The following BCAS3 variants were observed in gnomAD, a reference collection of about 807,000 sequenced individuals.
The protein encoded by BCAS3 is BCAS3 microtubule associated cell migration factor, also known as BCAS4/BCAS3 fusion.
A neutral mutation model predicts 116.1 loss-of-function variants in BCAS3; 53 were observed. The ratio of observed to expected loss-of-function variants is 0.46; its 90% CI spans 0.37 to 0.57. BCAS3 has a LOEUF of 0.57. Ranked by LOEUF, BCAS3 falls within the 20% of genes least tolerant of loss-of-function variation. The pLI is 0.00. For synonymous variants in BCAS3, 391 were observed against 408.2 expected, an observed-to-expected ratio of 0.96 and a Z score of 0.51; for missense variants, 917 against 1,165.4, an observed-to-expected ratio of 0.79 and a Z score of 3.10.
In BCAS3 at chr17:61,215,698, A is replaced by AT. The variant is rs2081741235; in HGVS notation, c.2425+131137dup. Among the ~76,000 whole-genome samples the AT allele has an allele frequency of 6.6e-6, 1 of 152,172 alleles. No homozygotes were observed. The highest frequency in any genetic ancestry group is 2.4e-5 in the African/African-American group (1 of 41,438). ...ATCTCTTTTCACATTTACCTCCTTA[A>AT]TTTGCTAACCCCTCAGTTCTTGATA... On this transcript the variant is annotated intron_variant, in intron 22 of 23. Coordinates refer to ENST00000407086, the MANE Select transcript of BCAS3 (RefSeq NM_017679.5). This position sits in a 1 kb window ranked among gnomAD's most constrained non-coding sequence, Gnocchi z 4.8.
chr17:61,186,119 T>C lies in BCAS3; in HGVS notation c.2425+101555T>C, dbSNP rs1423177637. ...ATTGCTTTGAAAAATGTAGTCCATC[T>C]TCTCTTTCTAGTGCCTTGAATTGCT... On this transcript the variant is annotated intron_variant, in intron 22 of 23. Coordinates refer to ENST00000407086, the MANE Select transcript of BCAS3 (RefSeq NM_017679.5). This position sits in a 1 kb window ranked among gnomAD's most constrained non-coding sequence, Gnocchi z 4.9. Among the ~76,000 whole-genome samples, 2 of 152,224 alleles carry C rather than the reference T, an allele frequency of 1.3e-5. No homozygotes were observed. Among genetic ancestry groups the C allele is most frequent in the Non-Finnish European group, 2.9e-5 (2 of 68,024 alleles).
rs1321234584 is a variant in BCAS3 at position 61,151,964 on chromosome 17, C to G, written c.2425+67400C>G. Among the ~76,000 whole-genome samples, 5 of 152,322 alleles carry G rather than the reference C, an allele frequency of 3.3e-5. No individual in the cohort carries two copies. Among genetic ancestry groups the G allele is most frequent in the South Asian group, 4.1e-4 (2 of 4,832 alleles). ...ACAGTACCGGAAGGGCAAGGATTCT[C>G]TGTGTGCCCAGGGAAAGTGGTTTTA... On this transcript the variant is annotated intron_variant, in intron 22 of 23. Coordinates refer to ENST00000407086, the MANE Select transcript of BCAS3 (RefSeq NM_017679.5). The surrounding 1 kb of genome is among the most constrained non-coding windows in gnomAD (Gnocchi z 4.8).
intron 22 of BCAS3, among the ~76,000 whole-genome samples, chr17:61,155,911 G>C (rs2077807954): frequency 6.6e-6 from 1 of 152,124 alleles, no homozygotes; most frequent in Non-Finnish European, 1.5e-5. Flanking sequence ...CTCAGCCACA[G>C]AGCATCCTGC....
rs1340042352 is a variant in BCAS3 at position 61,281,233 on chromosome 17, A to G, written c.2426-87094A>G. On this transcript the variant is annotated intron_variant, in intron 22 of 23. Transcript: ENST00000407086. The surrounding 1 kb of genome is among the most constrained non-coding windows in gnomAD (Gnocchi z 4.2). ...TTCCACAATTTATTTCACAATGCCT[A>G]TTGTTGGATGTATAGATGGTCTTCA... is the stretch of plus-strand genomic sequence containing the variant. Among the ~76,000 whole-genome samples, 1 of 152,314 alleles carries G rather than the reference A, an allele frequency of 6.6e-6. No individual in the cohort carries two copies. The highest frequency in any genetic ancestry group is 2.1e-4 in the South Asian group (1 of 4,828).
chr17:60,804,373 C>T (rs887310815), intron 6 of BCAS3, among the ~76,000 whole-genome samples: 25 of 151,866 alleles, frequency 1.6e-4, no homozygotes, highest in African/African-American at 5.8e-4. Context: ...CCCACCTACT[C>T]AGGAGGCTGA....
At chr17:60,788,228 A>G (rs2046451666) in intron 6 of BCAS3, among the ~76,000 whole-genome samples, 1 of 152,158 alleles carries the variant, frequency 6.6e-6, no homozygotes, top group African/African-American at 2.4e-5. Context: ...TTCAGTGAGT[A>G]AGGGTAACAG....
At position 60,846,854 on chromosome 17, in the gene BCAS3, T is replaced by G. The variant is rs189990802; in HGVS notation, c.477-21722T>G. On this transcript the variant is annotated intron_variant, in intron 7 of 23. Transcript: ENST00000407086. ...TTACATAATATAAAAGTTACCATTT[T>G]AAAGTATACAATTCAGCAGCATTTA... Among the ~76,000 whole-genome samples the G allele has an allele frequency of 1.4e-4, 22 of 152,298 alleles. No homozygotes were observed. In the East Asian group the frequency reaches 4.2e-3, roughly 29 times the overall value.
intron 22 of BCAS3, among the ~76,000 whole-genome samples, chr17:61,298,791 A>ATTCT (rs2053166296): frequency 3.4e-5 from 5 of 145,390 alleles, no homozygotes; most frequent in African/African-American, 1.3e-4. Context: ...GTCACATGCC[A>ATTCT]TTATTTATTT....
At chr17:60,932,027 C>T (rs1193492721) in intron 13 of BCAS3, among the ~76,000 whole-genome samples, 7 of 151,872 alleles carry the variant, frequency 4.6e-5, no homozygotes, top group Non-Finnish European at 8.8e-5. Flanking sequence ...GAGCTGAGAT[C>T]GCGCCACTGT....
chr17:61,225,978 T>C (rs1384712881), intron 22 of BCAS3, among the ~76,000 whole-genome samples: 1 of 152,232 alleles, frequency 6.6e-6, no homozygotes. Flanking sequence ...ATACAGTTTA[T>C]GATTATACTT....
chr17:60,954,055 G>T lies in BCAS3; in HGVS notation c.1221+6703G>T, dbSNP rs560477225. Among the ~76,000 whole-genome samples the T allele has an allele frequency of 1.8e-4, 27 of 152,156 alleles. No individual in the cohort carries two copies. The Middle Eastern group carries it at 0.01, about 58-fold the overall frequency. On this transcript the variant is annotated intron_variant, in intron 14 of 23. Coordinates refer to ENST00000407086, the MANE Select transcript of BCAS3 (RefSeq NM_017679.5). ...GATTTTTTATATGATGTAAGGAAGG[G>T]GTTCAGTTTCAACCTTCTGCACATG...
intron 7 of BCAS3, among the ~76,000 whole-genome samples, chr17:60,865,948 G>T (rs1211224344): frequency 6.6e-6 from 1 of 152,016 alleles, no homozygotes; most frequent in African/African-American, 2.4e-5. Flanking sequence ...CTCTTGAAAA[G>T]GGTGTTGCAT....
At chr17:60,692,989 C>G (rs747887408) in intron 4 of BCAS3, among the ~76,000 whole-genome samples, 1 of 151,732 alleles carries the variant, frequency 6.6e-6, no homozygotes, top group African/African-American at 2.4e-5. Flanking sequence ...ACATAACAGC[C>G]AATTTCCCAA....
intron 19 of BCAS3, among the ~76,000 whole-genome samples, chr17:61,067,821 T>G (rs2070887993): frequency 6.6e-6 from 1 of 151,750 alleles, no homozygotes; most frequent in African/African-American, 2.4e-5. Flanking sequence ...ATAAGTGATT[T>G]TTTAGCTCTT....
At position 60,989,984 on chromosome 17, in the gene BCAS3, G is replaced by C. The variant is rs1169676620; in HGVS notation, c.1235G>C (p.Cys412Ser). The change falls in exon 15 of 24, where the codon TGC (cysteine) becomes TCC (serine). Residue 412 changes from cysteine (C) to serine (S), a missense_variant. Cys to Ser is a moderately radical substitution (Grantham distance 112, BLOSUM62 -1). Around this residue, in one of 3 missense-constraint regions of BCAS3, gnomAD observed 807 missense variants for 1,026.0 expected, o/e 0.79. Transcript: ENST00000407086. ...GETEAKVQDI[C>S]FSHDCRWVVV... ...TCTCATTTCTAGGTACAGGACATCT[G>C]CTTCAGCCATGACTGTCGCTGGGTT... 1.9e-6 allele frequency: 3 copies of C among 1,614,118 alleles called. No homozygotes were observed. In the Admixed American group the frequency reaches 5.0e-5, roughly 27 times the overall value.
chr17:60,907,921 G>C (rs1438588892), intron 11 of BCAS3, among the ~76,000 whole-genome samples: 1 of 152,136 alleles, frequency 6.6e-6, no homozygotes, highest in African/African-American at 2.4e-5. Context: ...GGACACTAGT[G>C]CTCATAGATG....
rs780083866 is a variant in BCAS3 at position 61,070,167 on chromosome 17, T to C, written c.2030-4753T>C. On this transcript the variant is annotated intron_variant, in intron 19 of 23. Transcript: ENST00000407086. ...AAGACAACAACACACTTGTGTTCCT[T>C]GTGGATGTTAAAGCCAACAAGCACC... 1.2e-5 allele frequency: 18 copies of C among 1,564,944 alleles called. No homozygotes were observed. The African/African-American group carries it at 2.0e-4, about 18-fold the overall frequency.
At chr17:60,901,906 T>G (rs765443801) in intron 10 of BCAS3, among the ~76,000 whole-genome samples, 17 of 152,242 alleles carry the variant, frequency 1.1e-4, no homozygotes, top group Non-Finnish European at 2.1e-4. Context: ...CATTTTTTGC[T>G]AAATATAGGA....
rs2081248979 is a variant in BCAS3, at chr17:61,208,043, G to A, written c.2425+123479G>A. On this transcript the variant is annotated intron_variant, in intron 22 of 23. Coordinates refer to ENST00000407086, the MANE Select transcript of BCAS3 (RefSeq NM_017679.5). This position sits in a 1 kb window ranked among gnomAD's most constrained non-coding sequence, Gnocchi z 4.5. ...AATAACAAAAAACTTAGGAGATAATGTTGATCACATACCCTTTTTTATTAT... is the reference window on the plus strand; with the variant it reads ...AATAACAAAAAACTTAGGAGATAATATTGATCACATACCCTTTTTTATTAT... Among the ~76,000 whole-genome samples, 1 of 152,098 alleles carries A rather than the reference G, an allele frequency of 6.6e-6. No homozygotes were observed. The highest frequency in any genetic ancestry group is 2.4e-5 in the African/African-American group (1 of 41,422).
Sources: allele counts gnomAD v4.1 joint callset (sites outside exome capture counted in the v4.1 genomes callset), GRCh38; gene constraint gnomAD v4.1.1; regional missense constraint gnomAD v4.1.1; non-coding constraint Gnocchi (gnomAD v3.1); transcripts MANE v1.5; gene names NCBI Gene and HGNC (gene_info 2026-07-23, HGNC 2026-07-21).